The following PTPN14 variants were observed in gnomAD, a reference collection of about 807,000 sequenced individuals.
The protein encoded by PTPN14 is protein tyrosine phosphatase non-receptor type 14.
Under a neutral mutation model 126.8 loss-of-function variants are expected in PTPN14, and 53 were observed. That is an observed-to-expected ratio of 0.42 (90% CI 0.34 to 0.53). The LOEUF (loss-of-function observed/expected upper bound fraction) is 0.53, where lower values mean the gene tolerates loss of function less well. Among genes scored for constraint, PTPN14 ranks in the 20% least tolerant of loss-of-function variants. The pLI, the probability that PTPN14 is intolerant of heterozygous loss-of-function variation, is 0.08. For missense variants in PTPN14, 1,257 were observed against 1,552.9 expected, an observed-to-expected ratio of 0.81 and a Z score of 3.20; for synonymous variants, 630 against 599.3, an observed-to-expected ratio of 1.05 and a Z score of -0.75.
chr1:214,459,148 TC>T (rs1292094791), intron 2 of PTPN14, among the ~76,000 whole-genome samples: 28 of 45,342 alleles, frequency 6.2e-4, no homozygotes, highest in African/African-American at 2.8e-3. Context: ...ACTCTTTTCT[TC>T]TTTTTTTTTT....
intron 3 of PTPN14, among the ~76,000 whole-genome samples, chr1:214,451,466 C>G (rs1479619634): frequency 6.6e-6 from 1 of 152,106 alleles, no homozygotes; most frequent in Non-Finnish European, 1.5e-5. Context: ...CCACGCCTGG[C>G]CAGGTCATTA....
chr1:214,532,505 G>A (rs975997640), intron 1 of PTPN14: 10 of 920,244 alleles, frequency 1.1e-5, no homozygotes, highest in Non-Finnish European at 1.8e-5. Context: ...ACTGGAGGCT[G>A]GAGAGCAAAA....
At chr1:214,440,172 G>A (rs759528758) in intron 3 of PTPN14, among the ~76,000 whole-genome samples, 8 of 152,190 alleles carry the variant, frequency 5.3e-5, no homozygotes, top group Non-Finnish European at 1.2e-4. Flanking sequence ...CTAAACAGCT[G>A]TGTGACTATG....
intron 16 of PTPN14, among the ~76,000 whole-genome samples, chr1:214,371,843 T>C (rs1333840942): frequency 2.0e-5 from 3 of 152,176 alleles, no homozygotes; most frequent in Non-Finnish European, 4.4e-5. Flanking sequence ...AAGCAAATGC[T>C]CAACACAGTC....
intron 1 of PTPN14, among the ~76,000 whole-genome samples, chr1:214,465,980 G>C (rs187125256): frequency 2.0e-4 from 1 of 5,090 alleles, no homozygotes; most frequent in East Asian, 4.3e-3. Context: ...TTGTGAAGAC[G>C]GAGTCTCACC....
chr1:214,410,750 T>C (rs987153889), intron 5 of PTPN14, among the ~76,000 whole-genome samples: 4 of 152,158 alleles, frequency 2.6e-5, no homozygotes, highest in African/African-American at 9.7e-5. Flanking sequence ...TGTTGAAAAA[T>C]CTATTGGTTT....
Position 214,364,740 on chromosome 1 carries a change from G to T in PTPN14, c.3272-65C>A, listed in dbSNP as rs970058854. 83 of 1,546,326 alleles carry T rather than the reference G, an allele frequency of 5.4e-5. No individual in the cohort carries two copies. Among genetic ancestry groups the T allele is most frequent in the African/African-American group, 1.5e-4 (11 of 72,608 alleles). On this transcript the variant is annotated intron_variant, in intron 17 of 18. Transcript: ENST00000366956. The surrounding 1 kb of genome is among the most constrained non-coding windows in gnomAD (Gnocchi z 4.1). ...ATGGCTTCGCATGTAAGTTGGGGAG[G>T]GGGGAGCGGAAGAGAACTGATGGTG...
intron 1 of PTPN14, among the ~76,000 whole-genome samples, chr1:214,515,598 A>G (rs1380400598): frequency 6.6e-6 from 1 of 152,182 alleles, no homozygotes; most frequent in Non-Finnish European, 1.5e-5. Flanking sequence ...TAAGTAGGGA[A>G]TATCTTTTCA....
intron 1 of PTPN14, among the ~76,000 whole-genome samples, chr1:214,502,708 G>C (rs1359750864): frequency 6.6e-6 from 1 of 151,848 alleles, no homozygotes; most frequent in Non-Finnish European, 1.5e-5. Flanking sequence ...TTGAAGACTT[G>C]GAACAAATGA....
At position 214,551,318 on chromosome 1, in the gene PTPN14, GA is replaced by G; in HGVS notation, c.-291del. On this transcript the variant is annotated 5_prime_UTR_variant, in exon 1 of 19. Coordinates refer to ENST00000366956, the MANE Select transcript of PTPN14 (RefSeq NM_005401.5). ...GCGAAGGGAAGGAGCCGCAGGAGGC[GA>G]AAGGGGAGGGAGGTTTCCGCCGCGA... The G allele has an allele frequency of 6.5e-6, 1 of 152,776 alleles. No homozygotes were observed. The highest frequency in any genetic ancestry group is 1.5e-5 in the Non-Finnish European group (1 of 68,378). 9.5% of individuals were successfully genotyped at this position (152,776 alleles called of 1,614,324 possible).
At chr1:214,517,429 T>A (rs1655130946) in intron 1 of PTPN14, among the ~76,000 whole-genome samples, 1 of 150,672 alleles carries the variant, frequency 6.6e-6, no homozygotes, top group Admixed American at 6.6e-5. Context: ...ACATTGAATC[T>A]AAAGAAGCTT....
intron 11 of PTPN14, among the ~76,000 whole-genome samples, chr1:214,390,707 C>T (rs1422783640): frequency 6.6e-6 from 1 of 152,164 alleles, no homozygotes. Flanking sequence ...TGAAAACACA[C>T]CATGGGCTGT....
chr1:214,477,439 C>A (rs1660892659), intron 1 of PTPN14, among the ~76,000 whole-genome samples: 2 of 152,338 alleles, frequency 1.3e-5, no homozygotes, highest in East Asian at 3.9e-4. Flanking sequence ...ACACAACACA[C>A]ACATACCCCA....
intron 1 of PTPN14, among the ~76,000 whole-genome samples, chr1:214,525,361 T>C (rs144048146): frequency 1.3e-5 from 2 of 152,314 alleles, no homozygotes; most frequent in Admixed American, 6.5e-5. Flanking sequence ...ACAAAATTAA[T>C]TGTAATGTAA....
intron 1 of PTPN14, among the ~76,000 whole-genome samples, chr1:214,491,089 GAC>G: frequency 6.6e-6 from 1 of 151,338 alleles, no homozygotes; most frequent in East Asian, 1.9e-4. Context: ...AAGAAAGAAA[GAC>G]AAATTGCTTA....
intron 5 of PTPN14, among the ~76,000 whole-genome samples, chr1:214,407,414 G>T (rs530111532): frequency 9.2e-5 from 14 of 151,784 alleles, no homozygotes; most frequent in African/African-American, 3.4e-4. Context: ...TGTAATCCCA[G>T]CTACTCAGGA....
In PTPN14 at chr1:214,351,647, G is replaced by C. The variant is rs1192902211; in HGVS notation, c.*6275C>G. 4 of 152,284 alleles carry C rather than the reference G, an allele frequency of 2.6e-5. No homozygotes were observed. The highest frequency in any genetic ancestry group is 7.2e-5 in the African/African-American group (3 of 41,464). 9.4% of individuals were successfully genotyped at this position (152,284 alleles called of 1,614,324 possible). A position where few individuals can be genotyped will look rare whatever the true frequency, so the allele number is the denominator to read the frequency against. On this transcript the variant is annotated 3_prime_UTR_variant, in exon 19 of 19. Transcript: ENST00000366956. ...GCAGGCGAGGGAAGATGGTGCTTTT[G>C]ATCAGCAAATCCAGGCAAATATGAT... is the stretch of plus-strand genomic sequence containing the variant.
At position 214,377,966 on chromosome 1, in the gene PTPN14, T is replaced by C. The variant is rs1233458272; in HGVS notation, c.2681A>G (p.Asp894Gly). The C allele has an allele frequency of 6.2e-7, 1 of 1,612,748 alleles. No homozygotes were observed. The highest frequency in any genetic ancestry group is 8.5e-7 in the Non-Finnish European group (1 of 1,179,504). ...NRVDATRVPM[D>G]ERFRTLKKKL... Reference sequence around the variant, plus strand: ...GACAAGCCTGCCACTTACCCTCTCGTCCATGGGAACCCGGGTGGCATCAAC... The same window carrying C: ...GACAAGCCTGCCACTTACCCTCTCGCCCATGGGAACCCGGGTGGCATCAAC... Residue 894 changes from aspartate (D) to glycine (G), a missense_variant, in exon 14 of 19, where the codon GAC becomes GGC. By Grantham distance (94) the Asp-to-Gly change is moderately conservative (BLOSUM62 -1). This residue lies in a region of PTPN14 where 1,021 missense variants were observed against 1,183.3 expected (regional missense o/e 0.86). Coordinates refer to ENST00000366956, the MANE Select transcript of PTPN14 (RefSeq NM_005401.5).
rs187204920 is a variant in PTPN14 at position 214,511,988 on chromosome 1, G to T, written c.-155+39195C>A. 2.6e-5 allele frequency among the ~76,000 whole-genome samples: 4 copies of T among 152,020 alleles called. No homozygotes were observed. The East Asian group carries it at 7.7e-4, about 29-fold the overall frequency. On this transcript the variant is annotated intron_variant, in intron 1 of 18. Transcript: ENST00000366956. ...ACATTGTATTATTTTCTGCCTTCTCGATGGTCTTAGATTTGTGGCCTTGCT... is the reference window on the plus strand; with the variant it reads ...ACATTGTATTATTTTCTGCCTTCTCTATGGTCTTAGATTTGTGGCCTTGCT...
Sources: allele counts gnomAD v4.1 joint callset (sites outside exome capture counted in the v4.1 genomes callset), GRCh38; gene constraint gnomAD v4.1.1; regional missense constraint gnomAD v4.1.1; non-coding constraint Gnocchi (gnomAD v3.1); transcripts MANE v1.5; gene names NCBI Gene and HGNC (gene_info 2026-07-23, HGNC 2026-07-21).